The following REDIC1 variants were observed in gnomAD, a reference collection of about 807,000 sequenced individuals.
The protein encoded by REDIC1 is HEI10 Interacting Protein 1.
chr12:39,672,342 A>C, the REDIC1 span, among the ~76,000 whole-genome samples: 1 of 152,036 alleles, frequency 6.6e-6, no homozygotes, highest in Non-Finnish European at 1.5e-5. Context: ...CCTGGGTAGC[A>C]GTGGCAGCAG....
chr12:39,858,029 G>C, the REDIC1 span, among the ~76,000 whole-genome samples: 13 of 152,108 alleles, frequency 8.5e-5, no homozygotes, highest in African/African-American at 2.9e-4. Flanking sequence ...GTAAGTCTGT[G>C]GCTAAAAGCC....
the REDIC1 span, among the ~76,000 whole-genome samples, chr12:39,823,638 G>A: frequency 6.6e-5 from 10 of 152,076 alleles, no homozygotes; most frequent in Admixed American, 2.0e-4. Context: ...TATTATAGAC[G>A]GAGTTCTGCT....
chr12:39,740,056 G>A, the REDIC1 span, among the ~76,000 whole-genome samples: 3 of 152,222 alleles, frequency 2.0e-5, no homozygotes, highest in African/African-American at 7.2e-5. Context: ...CTGATGTCAT[G>A]CATTAGTGAT....
chr12:39,755,960 A>G, the REDIC1 span: 215 of 152,146 alleles, frequency 1.4e-3, no homozygotes, highest in African/African-American at 4.9e-3. Flanking sequence ...AAGATACAAG[A>G]AAGAGTTGGT....
the REDIC1 span, among the ~76,000 whole-genome samples, chr12:39,797,460 C>A: frequency 6.6e-6 from 1 of 152,060 alleles, no homozygotes; most frequent in Non-Finnish European, 1.5e-5. Flanking sequence ...TAAATAACAG[C>A]AATATGGGAA....
At chr12:39,759,841 G>C in the REDIC1 span, 3 of 557,882 alleles carry the variant, frequency 5.4e-6, no homozygotes, top group Non-Finnish European at 9.5e-6. Flanking sequence ...TTAAAATATT[G>C]TTCCTTGTGG....
the REDIC1 span, chr12:39,646,209 T>C: frequency 3.1e-6 from 1 of 325,044 alleles, no homozygotes; most frequent in South Asian, 1.3e-4. Flanking sequence ...TGATAGAATG[T>C]AAATGTTTTA....
chr12:39,666,687 A>T, the REDIC1 span, among the ~76,000 whole-genome samples: 6 of 152,098 alleles, frequency 3.9e-5, no homozygotes. Context: ...CTGTGAATCC[A>T]TCTGGTCCTG....
At chr12:39,831,047 C>T in the REDIC1 span, among the ~76,000 whole-genome samples, 45 of 152,234 alleles carry the variant, frequency 3.0e-4, no homozygotes, top group African/African-American at 9.1e-4. Flanking sequence ...GAGTTTTCTC[C>T]CTGTCACACA....
At chr12:39,830,124 G>T in the REDIC1 span, 2 of 1,613,670 alleles carry the variant, frequency 1.2e-6, no homozygotes, top group Non-Finnish European at 1.7e-6. Context: ...TGCCTCATTT[G>T]TAGATGCTTT....
chr12:39,707,532 A>C, the REDIC1 span, among the ~76,000 whole-genome samples: 4 of 151,936 alleles, frequency 2.6e-5, no homozygotes, highest in African/African-American at 9.7e-5. Context: ...AAAGGAAATC[A>C]GTATATTAAA....
chr12:39,652,174 G>A, the REDIC1 span, among the ~76,000 whole-genome samples: 1 of 151,984 alleles, frequency 6.6e-6, no homozygotes, highest in Non-Finnish European at 1.5e-5. Context: ...TTTCCCCCGA[G>A]TTTTTGCCTA....
the REDIC1 span, among the ~76,000 whole-genome samples, chr12:39,813,826 A>G: frequency 6.6e-6 from 1 of 152,216 alleles, no homozygotes; most frequent in African/African-American, 2.4e-5. Flanking sequence ...GTAATTGGGA[A>G]TATTAACTGA....
At chr12:39,854,208 G>A in the REDIC1 span, among the ~76,000 whole-genome samples, 5 of 151,894 alleles carry the variant, frequency 3.3e-5, no homozygotes, top group Non-Finnish European at 5.9e-5. Flanking sequence ...GATATAATCC[G>A]TCTGATCCTT....
chr12:39,635,957 A>G, the REDIC1 span, among the ~76,000 whole-genome samples: 1 of 152,122 alleles, frequency 6.6e-6, no homozygotes, highest in Admixed American at 6.6e-5. Flanking sequence ...GCATCTAAAA[A>G]CCAGTTTAGT....
At chr12:39,801,224 T>C in the REDIC1 span, among the ~76,000 whole-genome samples, 1 of 87,704 alleles carries the variant, frequency 1.1e-5, no homozygotes, top group African/African-American at 3.5e-5. Context: ...TGTGCACATG[T>C]ACCCTAAAAC....
the REDIC1 span, among the ~76,000 whole-genome samples, chr12:39,711,976 CAT>C: frequency 3.6e-4 from 42 of 117,620 alleles, no homozygotes; most frequent in African/African-American, 1.2e-3. Flanking sequence ...TGTATATATA[CAT>C]GTCATGTCTA....
chr12:39,717,086 C>T, the REDIC1 span, among the ~76,000 whole-genome samples: 2 of 149,698 alleles, frequency 1.3e-5, no homozygotes, highest in Admixed American at 6.6e-5. Context: ...ATTTACAAAA[C>T]ACCTTTTATC....
the REDIC1 span, among the ~76,000 whole-genome samples, chr12:39,805,202 G>A: frequency 6.4e-3 from 975 of 152,284 alleles, 15 homozygotes; most frequent in African/African-American, 0.022. Context: ...TCTGCAGGGC[G>A]TGGTTTTTAT....
Sources: gnomAD v4.1 joint callset for allele counts (sites outside exome capture counted in the v4.1 genomes callset) on GRCh38, gnomAD v4.1.1 for gene constraint, MANE v1.5 for transcripts, NCBI Gene and HGNC (gene_info 2026-07-23, HGNC 2026-07-21) for gene names.